Variants in GALNT13 observed in about 807,000 individuals in gnomAD.
The protein encoded by GALNT13 is UDP-GalNAc:polypeptide N-acetylgalactosaminyltransferase 13.
Under a neutral mutation model 64.2 loss-of-function variants are expected in GALNT13, and 28 were observed. The observed-to-expected ratio is 0.44, with a 90% CI of 0.32 to 0.60. GALNT13 has a LOEUF of 0.60. GALNT13 is among the 20% of genes least tolerant of loss of function. The pLI, the probability that GALNT13 is intolerant of heterozygous loss-of-function variation, is 0.05. For missense variants in GALNT13, 577 were observed against 669.8 expected (o/e 0.86, Z 1.53); for synonymous variants, 214 against 224.6 (o/e 0.95, Z 0.42).
intron 3 of GALNT13, among the ~76,000 whole-genome samples, chr2:153,973,402 A>G (rs900377507): frequency 6.6e-6 from 1 of 152,010 alleles, no homozygotes; most frequent in Non-Finnish European, 1.5e-5. Flanking sequence ...ATCCTTTAAT[A>G]CACTATTTTT....
At chr2:153,648,003 A>G in the GALNT13 span, among the ~76,000 whole-genome samples, 5 of 152,186 alleles carry the variant, frequency 3.3e-5, no homozygotes, top group African/African-American at 9.7e-5. Context: ...TTCTGTGAAG[A>G]AAGTCATTGG....
the GALNT13 span, among the ~76,000 whole-genome samples, chr2:153,532,445 C>T: frequency 6.6e-6 from 1 of 152,166 alleles, no homozygotes. Context: ...GCCTCTGGAC[C>T]TGTGATTGGA....
chr2:154,215,709 G>T (rs1688005808), intron 4 of GALNT13, among the ~76,000 whole-genome samples: 1 of 152,016 alleles, frequency 6.6e-6, no homozygotes, highest in African/African-American at 2.4e-5. Flanking sequence ...ATAAAGAGAA[G>T]AATTTTTTTT....
At chr2:153,822,707 A>C in the GALNT13 span, among the ~76,000 whole-genome samples, 1 of 152,142 alleles carries the variant, frequency 6.6e-6, no homozygotes, top group Non-Finnish European at 1.5e-5. Flanking sequence ...CCCCTTAAGG[A>C]CTGGAACAAG....
intron 3 of GALNT13, among the ~76,000 whole-genome samples, chr2:154,108,497 T>A (rs1373257342): frequency 6.6e-6 from 1 of 152,152 alleles, no homozygotes; most frequent in Non-Finnish European, 1.5e-5. Context: ...AGATATTAAA[T>A]CCTTCTCAGA....
intron 1 of GALNT13, among the ~76,000 whole-genome samples, chr2:153,884,775 ATATATATATATGTGTGTG>A (rs1410918157): frequency 3.7e-4 from 43 of 117,698 alleles, no homozygotes; most frequent in Admixed American, 1.8e-3. Context: ...GAATATATAT[ATATATATATATGTGTGTG>A]TATATATATA....
At chr2:153,828,023 A>G in the GALNT13 span, among the ~76,000 whole-genome samples, 2 of 152,224 alleles carry the variant, frequency 1.3e-5, no homozygotes, top group Admixed American at 6.5e-5. Context: ...CTTTGACTCC[A>G]AGTCTCACAT....
intron 1 of GALNT13, among the ~76,000 whole-genome samples, chr2:153,884,301 G>A (rs897346992): frequency 6.6e-6 from 1 of 151,726 alleles, no homozygotes; most frequent in East Asian, 1.9e-4. Context: ...ATTATGCTTC[G>A]ATGAGTGTGT....
At chr2:154,113,331 G>GT (rs763077424) in intron 3 of GALNT13, among the ~76,000 whole-genome samples, 3 of 152,182 alleles carry the variant, frequency 2.0e-5, no homozygotes, top group Admixed American at 6.5e-5. Flanking sequence ...TTGCACAGCA[G>GT]CCTAGATCTG....
At chr2:153,768,725 G>T in the GALNT13 span, among the ~76,000 whole-genome samples, 5 of 152,136 alleles carry the variant, frequency 3.3e-5, no homozygotes, top group Non-Finnish European at 7.4e-5. Context: ...AATTAGTTAG[G>T]CATGGTGGCA....
chr2:153,387,409 C>G, the GALNT13 span, among the ~76,000 whole-genome samples: 1 of 152,046 alleles, frequency 6.6e-6, no homozygotes, highest in Non-Finnish European at 1.5e-5. Flanking sequence ...GAATGTTCCT[C>G]CACTCCCCCA....
At chr2:153,676,762 A>G in the GALNT13 span, among the ~76,000 whole-genome samples, 34 of 152,150 alleles carry the variant, frequency 2.2e-4, 1 homozygote, top group Non-Finnish European at 8.8e-5. Flanking sequence ...CATAAACAGA[A>G]CTAAAAACAA....
At chr2:153,946,870 G>T (rs1404602543) in intron 3 of GALNT13, among the ~76,000 whole-genome samples, 1 of 152,012 alleles carries the variant, frequency 6.6e-6, no homozygotes, top group Non-Finnish European at 1.5e-5. Flanking sequence ...GTTGTCACTT[G>T]TTATTTCAGA....
the GALNT13 span, among the ~76,000 whole-genome samples, chr2:153,122,652 G>T: frequency 6.6e-6 from 1 of 152,136 alleles, no homozygotes; most frequent in African/African-American, 2.4e-5. Flanking sequence ...GCCAAATTGT[G>T]GTCTGGGCGC....
At chr2:153,535,354 T>A in the GALNT13 span, among the ~76,000 whole-genome samples, 1 of 152,170 alleles carries the variant, frequency 6.6e-6, no homozygotes, top group Admixed American at 6.5e-5. Flanking sequence ...AGATTATTTA[T>A]TTACTTCAAG....
intron 3 of GALNT13, among the ~76,000 whole-genome samples, chr2:153,951,691 G>T (rs1351958585): frequency 1.3e-5 from 2 of 152,012 alleles, no homozygotes; most frequent in Non-Finnish European, 2.9e-5. Context: ...AGTTTGATAT[G>T]CCTGTTAGGG....
intron 3 of GALNT13, among the ~76,000 whole-genome samples, chr2:153,968,104 G>T (rs567532305): frequency 6.6e-6 from 1 of 152,204 alleles, no homozygotes; most frequent in East Asian, 1.9e-4. Flanking sequence ...GCTCTGGTCC[G>T]TACCCCAAGT....
intron 9 of GALNT13, among the ~76,000 whole-genome samples, chr2:154,353,927 A>G (rs1696562678): frequency 6.6e-6 from 1 of 152,200 alleles, no homozygotes; most frequent in South Asian, 2.1e-4. Flanking sequence ...ATATATATCA[A>G]GAAGATGGAT....
At chr2:153,426,537 T>C in the GALNT13 span, among the ~76,000 whole-genome samples, 1 of 152,024 alleles carries the variant, frequency 6.6e-6, no homozygotes, top group African/African-American at 2.4e-5. Flanking sequence ...AAGAGAACTA[T>C]GATCAAAAGA....
Sources: gnomAD v4.1 joint callset for allele counts (sites outside exome capture counted in the v4.1 genomes callset) on GRCh38, gnomAD v4.1.1 for gene constraint, MANE v1.5 for transcripts, NCBI Gene and HGNC (gene_info 2026-07-23, HGNC 2026-07-21) for gene names.